The following PTPRD variants were observed in gnomAD, a reference collection of about 807,000 sequenced individuals.
PTPRD encodes receptor-type tyrosine-protein phosphatase delta.
In PTPRD, 34 loss-of-function variants were observed where a neutral mutation model predicts 214.5. The observed-to-expected ratio is 0.16, with a 90% CI of 0.12 to 0.21. The LOEUF is 0.21. PTPRD is among the 10% of genes least tolerant of loss of function. The pLI, the probability that PTPRD is intolerant of heterozygous loss-of-function variation, is 1.00. For synonymous variants in PTPRD, 1,128 were observed against 845.7 expected, an observed-to-expected ratio of 1.33 and a Z score of -5.79; for missense variants, 2,545 against 2,398.7, an observed-to-expected ratio of 1.06 and a Z score of -1.27.
intron 14 of PTPRD, among the ~76,000 whole-genome samples, chr9:8,555,296 A>C (rs1455232995): frequency 6.6e-6 from 1 of 152,128 alleles, no homozygotes; most frequent in Non-Finnish European, 1.5e-5. Flanking sequence ...GGTCCCAGCT[A>C]CTCAGGAGAC....
chr9:8,387,910 C>G lies in PTPRD; in HGVS notation c.4386+1322G>C, dbSNP rs192717179. Among the ~76,000 whole-genome samples, 385 of 152,190 alleles carry G rather than the reference C, an allele frequency of 2.5e-3. 1 individual carries two copies. Among genetic ancestry groups the G allele is most frequent in the African/African-American group, 8.7e-3 (360 of 41,526 alleles). Reference sequence around the variant, plus strand: ...GAAACTGCTTGATATATAGGAGTTACCTTAAGTACAAATCAGTAACAAATC... The same window carrying G: ...GAAACTGCTTGATATATAGGAGTTAGCTTAAGTACAAATCAGTAACAAATC... On this transcript the variant is annotated intron_variant, in intron 37 of 45. Coordinates refer to ENST00000381196, the MANE Select transcript of PTPRD (RefSeq NM_002839.4).
At chr9:9,006,586 T>C (rs914753684) in intron 11 of PTPRD, among the ~76,000 whole-genome samples, 4 of 152,066 alleles carry the variant, frequency 2.6e-5, no homozygotes, top group Admixed American at 1.3e-4. Context: ...TTTATTCACA[T>C]AACCTACCTG....
At chr9:10,566,856 C>G (rs2065793951) in intron 2 of PTPRD, among the ~76,000 whole-genome samples, 1 of 152,020 alleles carries the variant, frequency 6.6e-6, no homozygotes, top group Admixed American at 6.6e-5. Flanking sequence ...GAGTAGGGTT[C>G]AAAATCATTC....
chr9:8,876,964 G>A (rs2154213523), intron 11 of PTPRD, among the ~76,000 whole-genome samples: 1 of 147,878 alleles, frequency 6.8e-6, no homozygotes, highest in East Asian at 2.0e-4. Flanking sequence ...GTCTCTCTCT[G>A]TCCCCAGGCT....
intron 2 of PTPRD, among the ~76,000 whole-genome samples, chr9:10,460,081 T>C (rs2098947450): frequency 6.6e-6 from 1 of 151,996 alleles, no homozygotes. Context: ...CTTTGGAGCA[T>C]ATCTATACAC....
intron 2 of PTPRD, among the ~76,000 whole-genome samples, chr9:10,465,609 C>T (rs999396139): frequency 2.6e-5 from 4 of 152,150 alleles, no homozygotes; most frequent in African/African-American, 9.7e-5. Context: ...TACTGAAAAG[C>T]ATCACCTTTT....
At chr9:10,372,404 T>C (rs1447251124) in intron 2 of PTPRD, among the ~76,000 whole-genome samples, 1 of 152,098 alleles carries the variant, frequency 6.6e-6, no homozygotes, top group Non-Finnish European at 1.5e-5. Context: ...GCTTAGATAT[T>C]TTTGTCATGT....
chr9:10,175,369 A>G (rs1462782896), intron 3 of PTPRD, among the ~76,000 whole-genome samples: 1 of 152,094 alleles, frequency 6.6e-6, no homozygotes, highest in Admixed American at 6.6e-5. Context: ...AGCTCTTATT[A>G]TTTGAGTCTC....
chr9:9,040,516 C>T (rs1590301566), intron 10 of PTPRD, among the ~76,000 whole-genome samples: 1 of 152,160 alleles, frequency 6.6e-6, no homozygotes, highest in East Asian at 1.9e-4. Flanking sequence ...TATTCAACCG[C>T]ACTCTTGCAT....
intron 3 of PTPRD, among the ~76,000 whole-genome samples, chr9:10,111,234 T>C (rs982619956): frequency 5.1e-5 from 6 of 116,776 alleles, no homozygotes; most frequent in African/African-American, 1.6e-4. Flanking sequence ...AGTTTCTTTT[T>C]TTTTTTTTTT....
intron 11 of PTPRD, among the ~76,000 whole-genome samples, chr9:8,753,631 GC>G: frequency 6.6e-6 from 1 of 152,190 alleles, no homozygotes; most frequent in Non-Finnish European, 1.5e-5. Flanking sequence ...AATGAATTTT[GC>G]AAGGCTGCTA....
chr9:8,818,927 A>C (rs552534817), intron 11 of PTPRD, among the ~76,000 whole-genome samples: 1 of 152,348 alleles, frequency 6.6e-6, no homozygotes, highest in African/African-American at 2.4e-5. Flanking sequence ...CATTTGGAAG[A>C]ATAGAGAATC....
At chr9:10,477,720 G>A (rs780818775) in intron 2 of PTPRD, among the ~76,000 whole-genome samples, 25 of 151,910 alleles carry the variant, frequency 1.6e-4, no homozygotes, top group Non-Finnish European at 3.4e-4. Context: ...GCAAAGACTT[G>A]GAACCAACCC....
rs145544546 is a variant in PTPRD, at chr9:8,671,424, G to T, written c.65-34580C>A. Among the ~76,000 whole-genome samples, 218 of 152,142 alleles carry T rather than the reference G, an allele frequency of 1.4e-3. 4 individuals are homozygous for T. The highest frequency in any genetic ancestry group is 5.2e-3 in the African/African-American group (216 of 41,528). ...CATGTAAATTAAAAGAAGCAAAAGGGAATGAAAGTTCGCCCAGGATACAGA... is the reference window on the plus strand; with the variant it reads ...CATGTAAATTAAAAGAAGCAAAAGGTAATGAAAGTTCGCCCAGGATACAGA... On this transcript the variant is annotated intron_variant, in intron 12 of 45. Coordinates refer to ENST00000381196, the MANE Select transcript of PTPRD (RefSeq NM_002839.4).
intron 9 of PTPRD, among the ~76,000 whole-genome samples, chr9:9,336,804 T>C (rs1422512367): frequency 1.3e-5 from 2 of 152,194 alleles, no homozygotes; most frequent in African/African-American, 4.8e-5. Context: ...TAAATTATGA[T>C]TATTAAATTA....
intron 38 of PTPRD, 36 bp from the exon 39 acceptor site, chr9:8,376,126 C>G (rs2134845800): frequency 1.9e-6 from 3 of 1,608,500 alleles, no homozygotes; most frequent in African/African-American, 1.3e-5. Flanking sequence ...ATTCTGTTTT[C>G]CAAGCCTCAG....
intron 12 of PTPRD, among the ~76,000 whole-genome samples, chr9:8,731,889 A>C (rs1439954158): frequency 6.6e-6 from 1 of 152,280 alleles, no homozygotes; most frequent in Non-Finnish European, 1.5e-5. Flanking sequence ...GATTTGGCCA[A>C]GTTGAAGCCT....
At chr9:9,021,922 A>C (rs1469344081) in intron 10 of PTPRD, among the ~76,000 whole-genome samples, 7 of 151,374 alleles carry the variant, frequency 4.6e-5, no homozygotes, top group Non-Finnish European at 8.8e-5. Context: ...TTAGCTTACA[A>C]TGAGAACACG....
rs560329531 is a variant in PTPRD at position 8,728,622 on chromosome 9, G to A, written c.64+5158C>T. On this transcript the variant is annotated intron_variant, in intron 12 of 45. Coordinates refer to ENST00000381196, the MANE Select transcript of PTPRD (RefSeq NM_002839.4). ...TTCCTAACTTTTTTGGGAAGATCTCGCCAATTTCTGCAAGATGCAATCATT... is the reference window on the plus strand; with the variant it reads ...TTCCTAACTTTTTTGGGAAGATCTCACCAATTTCTGCAAGATGCAATCATT... Among the ~76,000 whole-genome samples the A allele has an allele frequency of 6.8e-4, 103 of 152,288 alleles. 2 individuals are homozygous for A. Among genetic ancestry groups the A allele is most frequent in the Admixed American group, 4.2e-3 (65 of 15,302 alleles).
Sources: gnomAD v4.1 joint callset for allele counts (sites outside exome capture counted in the v4.1 genomes callset) on GRCh38, gnomAD v4.1.1 for gene constraint, MANE v1.5 for transcripts, NCBI Gene and HGNC (gene_info 2026-07-23, HGNC 2026-07-21) for gene names.